SH3D19: variants seen among roughly 807,000 people sequenced by gnomAD.
SH3D19 encodes SH3 domain-containing protein 19.
SH3D19 carries 58 observed loss-of-function variants against 112.1 expected under a neutral mutation model. That is an observed-to-expected ratio of 0.52 (90% CI 0.42 to 0.64). The LOEUF (loss-of-function observed/expected upper bound fraction) is 0.64. Among genes scored for constraint, SH3D19 ranks in the 30% least tolerant of loss-of-function variants. The pLI is 0.00. For missense variants in SH3D19, 1,090 were observed against 1,263.4 expected, an observed-to-expected ratio of 0.86 and a Z score of 2.08; for synonymous variants, 391 against 448.5, an observed-to-expected ratio of 0.87 and a Z score of 1.62.
chr4:151,121,508 T>C lies in SH3D19; in HGVS notation c.*583A>G, dbSNP rs1747972870. The stretch of plus-strand genomic sequence containing the variant: ...TGGGAATCACTTGGTAACATAAAGA[T>C]TATTTTGGTGGGCAGGGGCTGATTT... On this transcript the variant is annotated 3_prime_UTR_variant, in exon 20 of 20. Coordinates refer to ENST00000604030, the MANE Select transcript of SH3D19 (RefSeq NM_001378122.1). 6.6e-6 allele frequency: 1 copy of C among 152,412 alleles called. No individual in the cohort carries two copies. The highest frequency in any genetic ancestry group is 2.1e-4 in the South Asian group (1 of 4,832). The allele number at this position is 152,412 out of a possible 1,614,324, so 9.4% of individuals were successfully genotyped here.
At chr4:151,296,109 T>TA (rs948553250) in intron 1 of SH3D19, among the ~76,000 whole-genome samples, 12 of 152,078 alleles carry the variant, frequency 7.9e-5, no homozygotes, top group Admixed American at 2.0e-4. Context: ...AAGAGAATTT[T>TA]AAAAAAATTA....
At chr4:151,194,121 GT>G (rs1444916925) in intron 2 of SH3D19, among the ~76,000 whole-genome samples, 1 of 147,800 alleles carries the variant, frequency 6.8e-6, no homozygotes, top group African/African-American at 2.6e-5. Context: ...TGCCTCCTGG[GT>G]TTTAGCGATA....
At chr4:151,147,768 C>T (rs1321815774) in intron 11 of SH3D19, among the ~76,000 whole-genome samples, 154 bp downstream of exon 11, 3 of 152,136 alleles carry the variant, frequency 2.0e-5, no homozygotes, top group Non-Finnish European at 4.4e-5. Context: ...CAACCAAGAC[C>T]TAGAATTTAT....
At chr4:151,220,087 C>G (rs892257734) in intron 2 of SH3D19, among the ~76,000 whole-genome samples, 3 of 152,192 alleles carry the variant, frequency 2.0e-5, no homozygotes, top group African/African-American at 7.2e-5. Context: ...GAACTCTATG[C>G]ATTCATCTAT....
chr4:151,125,888 A>ATAT, intron 19 of SH3D19, among the ~76,000 whole-genome samples: 1 of 151,824 alleles, frequency 6.6e-6, no homozygotes, highest in East Asian at 1.9e-4. Flanking sequence ...AGAATAAGAA[A>ATAT]TATCTATTAT....
At chr4:151,317,404 A>G (rs1160484315) in intron 1 of SH3D19, among the ~76,000 whole-genome samples, 1 of 152,264 alleles carries the variant, frequency 6.6e-6, no homozygotes, top group Non-Finnish European at 1.5e-5. Context: ...GATTAGAACC[A>G]AGTGTTCAAA....
chr4:151,234,524 G>C (rs768085013), intron 1 of SH3D19, among the ~76,000 whole-genome samples: 1 of 152,022 alleles, frequency 6.6e-6, no homozygotes, highest in Non-Finnish European at 1.5e-5. Flanking sequence ...CCTTCCTGCT[G>C]CTCCCTCCTT....
At chr4:151,159,513 ATG>A (rs560892745) in intron 8 of SH3D19, among the ~76,000 whole-genome samples, 161 bp from the exon 9 acceptor site, 1 of 152,250 alleles carries the variant, frequency 6.6e-6, no homozygotes, top group Non-Finnish European at 1.5e-5. Flanking sequence ...CAGAAAATTG[ATG>A]TGTTAGTCAA....
chr4:151,260,259 A>G (rs1772270650), intron 1 of SH3D19, among the ~76,000 whole-genome samples: 1 of 152,142 alleles, frequency 6.6e-6, no homozygotes, highest in Non-Finnish European at 1.5e-5. Flanking sequence ...TAAATGTCAT[A>G]TATTTGCTGA....
chr4:151,276,492 A>T (rs548275631), intron 1 of SH3D19, among the ~76,000 whole-genome samples: 1 of 152,108 alleles, frequency 6.6e-6, no homozygotes, highest in East Asian at 1.9e-4. Flanking sequence ...GCAGACCCCT[A>T]AGAACGCATC....
chr4:151,175,541 T>G lies in SH3D19; in HGVS notation c.663A>C (p.Thr221=). 1 of 1,396,188 alleles carries G rather than the reference T, an allele frequency of 7.2e-7. No homozygotes were observed. The highest frequency in any genetic ancestry group is 9.2e-7 in the Non-Finnish European group (1 of 1,081,224). The allele number at this position is 1,396,188 out of a possible 1,614,324, so 86.5% of individuals were successfully genotyped here. The change falls in exon 7 of 20, where the codon ACA becomes ACC. Residue 221 remains threonine, a synonymous_variant. Transcript: ENST00000604030. ...ATCTTGGTTTTGGCACTGGACATCT[T>G]GTAGCACTGGGGTTTTCTGGACAAT... ...EPNCPENPSA[T]RCPVPKPRSK... is the part of the protein sequence containing the mutation.
At chr4:151,320,884 AC>A in intron 1 of SH3D19, among the ~76,000 whole-genome samples, 1 of 152,148 alleles carries the variant, frequency 6.6e-6, no homozygotes, top group Admixed American at 6.5e-5. Flanking sequence ...TACTAAAAAT[AC>A]AAAAATTAGC....
intron 1 of SH3D19, among the ~76,000 whole-genome samples, chr4:151,271,554 T>G (rs1239660333): frequency 6.6e-6 from 1 of 152,186 alleles, no homozygotes; most frequent in African/African-American, 2.4e-5. Flanking sequence ...AGATTAGGGA[T>G]GCTGCTTAAT....
At chr4:151,145,292 A>T (rs1306202096) in intron 11 of SH3D19, among the ~76,000 whole-genome samples, 1 of 152,228 alleles carries the variant, frequency 6.6e-6, no homozygotes, top group Admixed American at 6.5e-5. Context: ...AGCCCAAGCT[A>T]AGCCACTGTG....
intron 1 of SH3D19, among the ~76,000 whole-genome samples, chr4:151,280,216 T>C (rs967324807): frequency 3.1e-5 from 4 of 129,202 alleles, no homozygotes; most frequent in Non-Finnish European, 7.5e-5. Context: ...CAGGAGATTT[T>C]TGTCGTGTTT....
At chr4:151,266,371 G>T (rs1772793265) in intron 1 of SH3D19, 1 of 152,210 alleles carries the variant, frequency 6.6e-6, no homozygotes, top group African/African-American at 2.4e-5. Context: ...TTATAGAAAA[G>T]TGGTCTTTCA....
rs1747953899 is a variant in SH3D19 at position 151,121,385 on chromosome 4, G to C, written c.*706C>G. On this transcript the variant is annotated 3_prime_UTR_variant, in exon 20 of 20. Coordinates refer to ENST00000604030, the MANE Select transcript of SH3D19 (RefSeq NM_001378122.1). ...AAATAAGTATGGCACATATATGGAA[G>C]GATTAGTTGTATTAGCAAGGCATTT... 6.6e-6 allele frequency: 1 copy of C among 152,614 alleles called. No homozygotes were observed. Among genetic ancestry groups the C allele is most frequent in the Admixed American group, 6.6e-5 (1 of 15,252 alleles). 9.5% of individuals were successfully genotyped at this position (152,614 alleles called of 1,614,324 possible). A position where few individuals can be genotyped will look rare whatever the true frequency, so the allele number is the denominator to read the frequency against.
At chr4:151,125,108 G>C (rs1215541313) in intron 19 of SH3D19, among the ~76,000 whole-genome samples, 1 of 151,748 alleles carries the variant, frequency 6.6e-6, no homozygotes, top group African/African-American at 2.4e-5. Context: ...AGATGTTAAA[G>C]GAAAAAAAGG....
In SH3D19 at chr4:151,176,672, C is replaced by G; in HGVS notation, c.391G>C (p.Glu131Gln). 1 of 1,231,964 alleles carries G rather than the reference C, an allele frequency of 8.1e-7. No homozygotes were observed. The highest frequency in any genetic ancestry group is 1.0e-6 in the Non-Finnish European group (1 of 987,858). The allele number at this position is 1,231,964 out of a possible 1,614,324, so 76.3% of individuals were successfully genotyped here. A position where few individuals can be genotyped will look rare whatever the true frequency, so the allele number is the denominator to read the frequency against. The part of the protein sequence containing the change: ...LVPAELPPSY[E>Q]QVIKEINQVQ... ...TGGTTGATTTCTTTTATAACTTGTTCATAAGATGGTGGGAGCTGAAAAGTA... is the reference window on the plus strand; with the variant it reads ...TGGTTGATTTCTTTTATAACTTGTTGATAAGATGGTGGGAGCTGAAAAGTA... The change falls in exon 6 of 20, where the codon GAA becomes CAA. Residue 131 changes from glutamate (E) to glutamine (Q), a missense_variant. Coordinates refer to ENST00000604030, the MANE Select transcript of SH3D19 (RefSeq NM_001378122.1).
Sources: gnomAD v4.1 joint callset for allele counts (sites outside exome capture counted in the v4.1 genomes callset) on GRCh38, gnomAD v4.1.1 for gene constraint, MANE v1.5 for transcripts, NCBI Gene and HGNC (gene_info 2026-07-23, HGNC 2026-07-21) for gene names.